The following DHX35 variants were observed in gnomAD, a reference collection of about 807,000 sequenced individuals.
The protein encoded by DHX35 is probable ATP-dependent RNA helicase DHX35.
A neutral mutation model predicts 99.6 loss-of-function variants in DHX35; 84 were observed. That is an observed-to-expected ratio of 0.84 (90% confidence interval 0.71 to 1.01). The LOEUF is 1.01. Among genes scored for constraint, DHX35 ranks in the 50% least tolerant of loss-of-function variants. DHX35 has a pLI of 0.00. For synonymous variants in DHX35, 331 were observed against 316.2 expected, an observed-to-expected ratio of 1.05 and a Z score of -0.50; for missense variants, 852 against 888.5, an observed-to-expected ratio of 0.96 and a Z score of 0.52.
chr20:38,976,889 T>C (rs948491220), intron 3 of DHX35, among the ~76,000 whole-genome samples: 1 of 152,242 alleles, frequency 6.6e-6, no homozygotes, highest in African/African-American at 2.4e-5. Context: ...TTTCACTTAA[T>C]ATCATGTCCT....
At chr20:38,999,654 G>C (rs2086487988) in intron 8 of DHX35, among the ~76,000 whole-genome samples, 2 of 152,194 alleles carry the variant, frequency 1.3e-5, no homozygotes, top group Admixed American at 1.3e-4. Flanking sequence ...CTGATTGCCA[G>C]TTCCCACCAG....
chr20:39,032,333 A>C (rs1477452455), intron 20 of DHX35, among the ~76,000 whole-genome samples: 1 of 152,062 alleles, frequency 6.6e-6, no homozygotes, highest in African/African-American at 2.4e-5. Context: ...AACCATGCCC[A>C]GCTAATTTTT....
At chr20:39,021,488 C>G (rs980056208) in intron 15 of DHX35, among the ~76,000 whole-genome samples, 3 of 152,078 alleles carry the variant, frequency 2.0e-5, no homozygotes, top group African/African-American at 7.2e-5. Flanking sequence ...ATTTTATAAA[C>G]TTCATTTTTT....
At chr20:38,971,542 C>G (rs1016046806) in intron 2 of DHX35, among the ~76,000 whole-genome samples, 1 of 152,064 alleles carries the variant, frequency 6.6e-6, no homozygotes, top group Admixed American at 6.6e-5. Context: ...TAGACCCAGT[C>G]TTATAAATGC....
intron 3 of DHX35, chr20:38,978,270 A>C (rs1450931555): frequency 3.9e-6 from 3 of 772,312 alleles, no homozygotes; most frequent in East Asian, 2.4e-5. Flanking sequence ...CCTTTGCACC[A>C]GCCCCTGAGC....
At chr20:38,973,947 G>C (rs2086039400) in intron 3 of DHX35, among the ~76,000 whole-genome samples, 1 of 152,198 alleles carries the variant, frequency 6.6e-6, no homozygotes, top group Non-Finnish European at 1.5e-5. Context: ...TATTTTTCCT[G>C]TTGTTACTGA....
At chr20:38,994,380 T>C (rs2086391328) in intron 7 of DHX35, among the ~76,000 whole-genome samples, 1 of 152,158 alleles carries the variant, frequency 6.6e-6, no homozygotes, top group South Asian at 2.1e-4. Context: ...GAGTAACTGT[T>C]AATATCTTTT....
intron 14 of DHX35, among the ~76,000 whole-genome samples, chr20:39,017,614 T>G (rs896226217): frequency 6.6e-6 from 1 of 152,196 alleles, no homozygotes; most frequent in Admixed American, 6.5e-5. Flanking sequence ...TAAAGAGATG[T>G]CTTACTGAGC....
chr20:38,963,877 T>C (rs1423939081), intron 1 of DHX35, among the ~76,000 whole-genome samples: 1 of 152,164 alleles, frequency 6.6e-6, no homozygotes, highest in Non-Finnish European at 1.5e-5. Context: ...AGTAAGGTGG[T>C]GGTAAAGAAG....
At chr20:39,012,533 ATT>A (rs753499361) in intron 13 of DHX35, among the ~76,000 whole-genome samples, 2 of 145,254 alleles carry the variant, frequency 1.4e-5, no homozygotes, top group Non-Finnish European at 1.5e-5. Flanking sequence ...CTTTACACTA[ATT>A]TTTTTTTTTT....
In DHX35 at chr20:38,983,794, T is replaced by C. The variant is rs370811807; in HGVS notation, c.345+18T>C. On this transcript the variant is annotated intron_variant, in intron 4 of 21. Coordinates refer to ENST00000252011, the MANE Select transcript of DHX35 (RefSeq NM_021931.4). ...CTGTTACAGTGAGTTTCTTTTTGTG[T>C]TGGAAAGATTCTATCTGTGTTGTCT... 1 of 1,604,318 alleles carries C rather than the reference T, an allele frequency of 6.2e-7. No individual in the cohort carries two copies. The highest frequency in any genetic ancestry group is 1.3e-5 in the African/African-American group (1 of 74,870).
Position 39,001,764 on chromosome 20 carries a change from G to T in DHX35, c.677G>T (p.Ser226Ile). 6.2e-7 allele frequency: 1 copy of T among 1,611,656 alleles called. No homozygotes were observed. The highest frequency in any genetic ancestry group is 1.3e-5 in the African/African-American group (1 of 74,978). The change falls in exon 9 of 22, where the codon AGT becomes ATT. Residue 226 changes from serine (S) to isoleucine (I), a missense_variant. Transcript: ENST00000252011. ...FRDFFNQNET[S>I]DPARDTCVIL... ...GATTTCTTTAATCAAAATGAAACCA[G>T]TGATCCAGCAAGGGATACATGTGTG...
chr20:39,034,620 C>T (rs2087117371), intron 21 of DHX35, among the ~76,000 whole-genome samples: 1 of 149,158 alleles, frequency 6.7e-6, no homozygotes, highest in Non-Finnish European at 1.5e-5. Context: ...GACAGTCTCA[C>T]TCTGCCGCCC....
chr20:38,978,558 A>T, intron 3 of DHX35: 1 of 307,848 alleles, frequency 3.2e-6, no homozygotes. Flanking sequence ...TTGCTATTGA[A>T]TTGTTTGAGC....
intron 15 of DHX35, among the ~76,000 whole-genome samples, chr20:39,021,461 C>T (rs1169254889): frequency 6.6e-6 from 1 of 152,146 alleles, no homozygotes; most frequent in African/African-American, 2.4e-5. Flanking sequence ...TCACATTTGG[C>T]TGAGTGAAAT....
intron 1 of DHX35, among the ~76,000 whole-genome samples, chr20:38,966,029 C>G (rs942896335): frequency 6.6e-6 from 1 of 152,172 alleles, no homozygotes; most frequent in Non-Finnish European, 1.5e-5. Context: ...TGCTCTGATG[C>G]TTTCTATTCT....
chr20:38,992,774 T>C (rs1339626180), intron 7 of DHX35, among the ~76,000 whole-genome samples: 1 of 152,250 alleles, frequency 6.6e-6, no homozygotes, highest in Non-Finnish European at 1.5e-5. Context: ...ATATTATTTT[T>C]AATGGCTATT....
chr20:38,981,943 CAAAAA>C (rs1161300647), intron 3 of DHX35, among the ~76,000 whole-genome samples: 1 of 87,280 alleles, frequency 1.1e-5, no homozygotes, highest in Admixed American at 1.2e-4. Context: ...GACTCTGTCT[CAAAAA>C]AAAAAAAAAA....
chr20:38,977,563 C>T (rs1292496253), intron 3 of DHX35: 1 of 277,194 alleles, frequency 3.6e-6, no homozygotes, highest in African/African-American at 2.3e-5. Flanking sequence ...TACCTAAAAC[C>T]AAGCAAAGGG....
Sources: gnomAD v4.1 joint callset for allele counts (sites outside exome capture counted in the v4.1 genomes callset) on GRCh38, gnomAD v4.1.1 for gene constraint, MANE v1.5 for transcripts, NCBI Gene and HGNC (gene_info 2026-07-23, HGNC 2026-07-21) for gene names.